ANKS3: variants seen among roughly 807,000 people sequenced by gnomAD.
ANKS3 encodes ankyrin repeat and sterile alpha motif domain containing 3.
A neutral mutation model predicts 80.7 loss-of-function variants in ANKS3; 62 were observed. The ratio of observed to expected loss-of-function variants is 0.77; its 90% confidence interval spans 0.63 to 0.95. The LOEUF (loss-of-function observed/expected upper bound fraction) is 0.95. ANKS3 is among the 40% of genes least tolerant of loss of function. The pLI, the probability that ANKS3 is intolerant of heterozygous loss-of-function variation, is 0.00. For synonymous variants in ANKS3, 489 were observed against 355.3 expected, an observed-to-expected ratio of 1.38 and a Z score of -4.23; for missense variants, 1,150 against 883.6, an observed-to-expected ratio of 1.30 and a Z score of -3.82.
chr16:4,713,141 C>CA (rs2080587964), intron 7 of ANKS3, among the ~76,000 whole-genome samples: 1 of 152,064 alleles, frequency 6.6e-6, no homozygotes, highest in African/African-American at 2.4e-5. Context: ...CATGGTGGTG[C>CA]ACGCCTGTAA....
chr16:4,703,931 T>C (rs1329477416), intron 8 of ANKS3, among the ~76,000 whole-genome samples: 3 of 152,226 alleles, frequency 2.0e-5, no homozygotes, highest in Admixed American at 1.3e-4. Flanking sequence ...AATTACCAAC[T>C]CAGCCCCAGG....
chr16:4,701,240 C>T, intron 10 of ANKS3, 106 bp from the exon 11 acceptor site: 2 of 1,524,568 alleles, frequency 1.3e-6, no homozygotes, highest in South Asian at 1.2e-5. Flanking sequence ...TGAAACCCCC[C>T]ACCCGCCACA....
Position 4,724,646 on chromosome 16 carries a change from A to G in ANKS3, c.573+104T>C, listed in dbSNP as rs139365838. Reference sequence around the variant, plus strand: ...AAAATGTGTTGAATAAATGAATGAAAGTTATTTCTGTGCAAAGGAAAATTC... The same window carrying G: ...AAAATGTGTTGAATAAATGAATGAAGGTTATTTCTGTGCAAAGGAAAATTC... On this transcript the variant is annotated intron_variant, in intron 6 of 17. Coordinates refer to ENST00000304283, the MANE Select transcript of ANKS3 (RefSeq NM_133450.4). 211 of 1,127,558 alleles carry G rather than the reference A, an allele frequency of 1.9e-4. No homozygotes were observed. The East Asian group carries it at 4.7e-3, about 25-fold the overall frequency. The allele number at this position is 1,127,558 out of a possible 1,614,324, so 69.8% of individuals were successfully genotyped here. A position where few individuals can be genotyped will look rare whatever the true frequency, so the allele number is the denominator to read the frequency against.
intron 7 of ANKS3, among the ~76,000 whole-genome samples, chr16:4,705,926 C>CTT (rs58092936): frequency 2.3e-4 from 34 of 149,312 alleles, no homozygotes; most frequent in East Asian, 5.9e-4. Flanking sequence ...TTGGAAACAA[C>CTT]TTTTTTTTTT....
chr16:4,717,869 C>T (rs2080883800), intron 6 of ANKS3, among the ~76,000 whole-genome samples: 1 of 151,830 alleles, frequency 6.6e-6, no homozygotes, highest in African/African-American at 2.4e-5. Context: ...AATCTCGGCT[C>T]ACTGCAACCT....
chr16:4,718,426 TCTC>T (rs1290611698), intron 6 of ANKS3, among the ~76,000 whole-genome samples: 1 of 152,166 alleles, frequency 6.6e-6, no homozygotes, highest in East Asian at 1.9e-4. Flanking sequence ...CATATCCTCT[TCTC>T]CTGACTGAGC....
rs146903702 is a variant in ANKS3, at chr16:4,723,964, G to A, written c.573+786C>T. 3.9e-5 allele frequency among the ~76,000 whole-genome samples: 6 copies of A among 152,256 alleles called. No homozygotes were observed. The East Asian group carries it at 1.2e-3, about 29-fold the overall frequency. The stretch of plus-strand genomic sequence containing the variant: ...TAGTCCCAGCTACTTGGGGGCTGAG[G>A]CAGGAGGATCGCTTGAGCCCAGGAG... On this transcript the variant is annotated intron_variant, in intron 6 of 17. Transcript: ENST00000304283.
chr16:4,725,132 A>G (rs1215639239), intron 5 of ANKS3: 1 of 259,594 alleles, frequency 3.9e-6, no homozygotes, highest in Non-Finnish European at 7.3e-6. Context: ...AATCATATTC[A>G]AAAAGCTGTT....
In ANKS3 at chr16:4,697,295, A is replaced by G. The variant is rs1398479438; in HGVS notation, c.1894+38T>C. 10 of 1,574,856 alleles carry G rather than the reference A, an allele frequency of 6.3e-6. No homozygotes were observed. The Admixed American group carries it at 1.6e-4, about 25-fold the overall frequency. ...GGGTCCCTTTGCCTCCCTCGGAAAC[A>G]AAAGGAGCGCTCAGTCGTCTGGTCC... On this transcript the variant is annotated intron_variant, in intron 16 of 17. Coordinates refer to ENST00000304283, the MANE Select transcript of ANKS3 (RefSeq NM_133450.4).
chr16:4,727,741 T>C (rs1227576099), intron 3 of ANKS3: 1 of 153,584 alleles, frequency 6.5e-6, no homozygotes, highest in Admixed American at 6.4e-5. Context: ...TGATTCATCC[T>C]TTGTCACCTC....
intron 1 of ANKS3, among the ~76,000 whole-genome samples, chr16:4,733,151 T>C (rs1052602493): frequency 2.2e-5 from 3 of 139,292 alleles, no homozygotes; most frequent in Non-Finnish European, 4.5e-5. Flanking sequence ...AGATCTAGTA[T>C]TTGATCAAGC....
chr16:4,711,171 T>A (rs1189518148), intron 7 of ANKS3, among the ~76,000 whole-genome samples: 2 of 147,172 alleles, frequency 1.4e-5, no homozygotes, highest in Non-Finnish European at 3.0e-5. Flanking sequence ...TGGCACGATC[T>A]CGGCTCACCT....
chr16:4,701,584 C>G (rs368426477), intron 9 of ANKS3, 41 bp from the exon 10 acceptor site: 3 of 1,553,786 alleles, frequency 1.9e-6, no homozygotes, highest in Non-Finnish European at 1.8e-6. Context: ...CAGCCCTCAC[C>G]GAGGTGCTGC....
chr16:4,706,012 C>T (rs953156283), intron 7 of ANKS3, among the ~76,000 whole-genome samples: 2 of 151,748 alleles, frequency 1.3e-5, no homozygotes, highest in Non-Finnish European at 2.9e-5. Context: ...ATTCTCCTAT[C>T]TCAGCCTCCC....
At position 4,714,922 on chromosome 16, in the gene ANKS3, G is replaced by A. The variant is rs9940219; in HGVS notation, c.574-736C>T. 4.2e-3 allele frequency among the ~76,000 whole-genome samples: 625 copies of A among 148,360 alleles called. 8 individuals carry two copies. Among genetic ancestry groups the A allele is most frequent in the African/African-American group, 0.015 (596 of 39,932 alleles). On this transcript the variant is annotated intron_variant, in intron 6 of 17. Transcript: ENST00000304283. Reference sequence around the variant, plus strand: ...CAGGAGAATTGCTTGAACCCGGGAAGCGGAGGCTGCAGTGAGCTGAGATCA... The same window carrying A: ...CAGGAGAATTGCTTGAACCCGGGAAACGGAGGCTGCAGTGAGCTGAGATCA...
chr16:4,700,405 A>C (rs1468861437), intron 11 of ANKS3: 1 of 198,018 alleles, frequency 5.1e-6, no homozygotes, highest in East Asian at 1.5e-4. Context: ...TGACAGTGCG[A>C]GACTCCGTCT....
chr16:4,696,992 G>C (rs377265498), intron 17 of ANKS3, 25 bp downstream of exon 17: 2 of 1,608,926 alleles, frequency 1.2e-6, no homozygotes, highest in Non-Finnish European at 8.5e-7. Flanking sequence ...CCCACCACGC[G>C]GGATCCAGGC....
At chr16:4,731,168 G>A (rs1379947965) in intron 2 of ANKS3, among the ~76,000 whole-genome samples, 6 of 152,202 alleles carry the variant, frequency 3.9e-5, no homozygotes, top group Admixed American at 3.9e-4. Flanking sequence ...GGAGGTTGGG[G>A]CAGAGAGGGA....
At chr16:4,729,896 C>A in intron 3 of ANKS3, 84 bp downstream of exon 3, 1 of 1,295,450 alleles carries the variant, frequency 7.7e-7, no homozygotes, top group South Asian at 2.2e-5. Context: ...ACATCCACAA[C>A]TGTGTGCAAA....
Sources: allele counts gnomAD v4.1 joint callset (sites outside exome capture counted in the v4.1 genomes callset), GRCh38; gene constraint gnomAD v4.1.1; transcripts MANE v1.5; gene names NCBI Gene and HGNC (gene_info 2026-07-23, HGNC 2026-07-21).